SCAMP1: variants seen among roughly 807,000 people sequenced by gnomAD.
SCAMP1 encodes secretory carrier membrane protein 1, also known as secretory carrier-associated membrane protein 1.
SCAMP1 carries 15 observed loss-of-function variants against 41.8 expected under a neutral mutation model. That is an observed-to-expected ratio of 0.36 (90% CI 0.24 to 0.55). The LOEUF (loss-of-function observed/expected upper bound fraction) is 0.55, where lower values mean the gene tolerates loss of function less well. Ranked by LOEUF, SCAMP1 falls within the 20% of genes least tolerant of loss-of-function variation. The pLI, the probability that SCAMP1 is intolerant of heterozygous loss-of-function variation, is 0.86. For missense variants in SCAMP1, 341 were observed against 412.6 expected (o/e 0.83, Z 1.50); for synonymous variants, 135 against 136.8 (o/e 0.99, Z 0.09).
intron 8 of SCAMP1, among the ~76,000 whole-genome samples, chr5:78,468,258 A>T (rs535185478): frequency 6.6e-6 from 1 of 152,312 alleles, no homozygotes; most frequent in East Asian, 1.9e-4. Flanking sequence ...ATCTGCATGG[A>T]GAAGGGTCTA....
chr5:78,440,177 A>G (rs1229735167), intron 6 of SCAMP1, among the ~76,000 whole-genome samples: 1 of 152,074 alleles, frequency 6.6e-6, no homozygotes, highest in African/African-American at 2.4e-5. Context: ...GAAGTTTGTT[A>G]TTACGGATCG....
chr5:78,472,203 AT>A (rs1022330599), intron 8 of SCAMP1, among the ~76,000 whole-genome samples: 1 of 152,040 alleles, frequency 6.6e-6, no homozygotes. Context: ...CAACTGGTGC[AT>A]TTTTTTAAAG....
At chr5:78,407,129 A>G (rs1751954593) in intron 2 of SCAMP1, among the ~76,000 whole-genome samples, 1 of 152,198 alleles carries the variant, frequency 6.6e-6, no homozygotes, top group Non-Finnish European at 1.5e-5. Flanking sequence ...TGAAGATGAT[A>G]TACTATGGAG....
intron 5 of SCAMP1, 79 bp downstream of exon 5, chr5:78,418,982 G>A: frequency 8.2e-7 from 1 of 1,212,720 alleles, no homozygotes; most frequent in Non-Finnish European, 1.1e-6. Flanking sequence ...TTCAAGGATA[G>A]TATAGCAAAC....
intron 1 of SCAMP1, among the ~76,000 whole-genome samples, chr5:78,373,932 T>A (rs1751005456): frequency 6.6e-6 from 1 of 152,102 alleles, no homozygotes; most frequent in African/African-American, 2.4e-5. Context: ...GTTTAATAGG[T>A]CTTTATGGTT....
chr5:78,457,507 G>A (rs951273610), intron 7 of SCAMP1, among the ~76,000 whole-genome samples: 3 of 152,110 alleles, frequency 2.0e-5, no homozygotes, highest in Non-Finnish European at 2.9e-5. Context: ...GGGGGTCAGG[G>A]GTCAGGGACC....
At chr5:78,377,625 A>G (rs974295404) in intron 1 of SCAMP1, among the ~76,000 whole-genome samples, 2 of 152,190 alleles carry the variant, frequency 1.3e-5, no homozygotes, top group African/African-American at 2.4e-5. Flanking sequence ...TCCTTAGAAC[A>G]TATTTTAAGG....
intron 1 of SCAMP1, among the ~76,000 whole-genome samples, chr5:78,376,628 A>G (rs1751071544): frequency 6.6e-6 from 1 of 152,194 alleles, no homozygotes; most frequent in African/African-American, 2.4e-5. Context: ...AAAGGCCTCA[A>G]ATATATCTAC....
chr5:78,440,547 G>T (rs1018843181), intron 6 of SCAMP1, among the ~76,000 whole-genome samples: 1 of 152,310 alleles, frequency 6.6e-6, no homozygotes, highest in South Asian at 2.1e-4. Context: ...GGCTAATGTT[G>T]CTGCCTGATC....
At chr5:78,373,534 A>G (rs541602711) in intron 1 of SCAMP1, among the ~76,000 whole-genome samples, 12 of 152,268 alleles carry the variant, frequency 7.9e-5, no homozygotes, top group Admixed American at 6.5e-4. Flanking sequence ...AGGATTTACT[A>G]TCCATGTAAG....
At position 78,475,756 on chromosome 5, in the gene SCAMP1, A is replaced by G. The variant is rs1753989304; in HGVS notation, c.*88A>G. 1.0e-6 allele frequency: 1 copy of G among 992,562 alleles called. No homozygotes were observed. The highest frequency in any genetic ancestry group is 1.4e-6 in the Non-Finnish European group (1 of 733,650). The allele number at this position is 992,562 out of a possible 1,614,324, so 61.5% of individuals were successfully genotyped here. ...ACAAATATTTTTATGTTCAAAACAC[A>G]CAGTACAGACAGCATGGATATTTCC... On this transcript the variant is annotated 3_prime_UTR_variant, in exon 9 of 9. Transcript: ENST00000621999.
At chr5:78,434,683 C>T (rs943842276) in intron 6 of SCAMP1, among the ~76,000 whole-genome samples, 1 of 151,748 alleles carries the variant, frequency 6.6e-6, no homozygotes, top group African/African-American at 2.4e-5. Context: ...AAAGGTAAAC[C>T]TGTTTGTGAA....
intron 2 of SCAMP1, among the ~76,000 whole-genome samples, chr5:78,395,947 A>T (rs1459515248): frequency 6.6e-6 from 1 of 152,250 alleles, no homozygotes; most frequent in African/African-American, 2.4e-5. Context: ...ATTATTAAAA[A>T]GATGTGAACA....
At chr5:78,393,865 T>A (rs138778286) in intron 2 of SCAMP1, among the ~76,000 whole-genome samples, 2 of 152,272 alleles carry the variant, frequency 1.3e-5, no homozygotes, top group East Asian at 1.9e-4. Flanking sequence ...TCACTAGTTT[T>A]GGCCACTGGT....
intron 6 of SCAMP1, among the ~76,000 whole-genome samples, chr5:78,433,435 A>G (rs940245399): frequency 2.6e-5 from 4 of 152,148 alleles, no homozygotes; most frequent in Non-Finnish European, 4.4e-5. Flanking sequence ...CCCACTGGAC[A>G]TGGCTTTTCT....
chr5:78,391,255 G>A (rs138728124), intron 2 of SCAMP1, among the ~76,000 whole-genome samples: 19 of 149,508 alleles, frequency 1.3e-4, no homozygotes, highest in African/African-American at 3.9e-4. Flanking sequence ...CTCACCTCCC[G>A]GACGGGGCAG....
chr5:78,449,142 T>C (rs1015626784), intron 6 of SCAMP1, among the ~76,000 whole-genome samples: 1 of 152,012 alleles, frequency 6.6e-6, no homozygotes, highest in Admixed American at 6.6e-5. Context: ...AAAAAGGAAA[T>C]ATATGTTCAT....
intron 5 of SCAMP1, among the ~76,000 whole-genome samples, chr5:78,419,917 A>G (rs2112144719): frequency 6.6e-6 from 1 of 152,298 alleles, no homozygotes; most frequent in South Asian, 2.1e-4. Flanking sequence ...CTGAATCCTC[A>G]GTGTCAGTAG....
chr5:78,386,448 A>G (rs778954400), intron 1 of SCAMP1, among the ~76,000 whole-genome samples: 2 of 151,948 alleles, frequency 1.3e-5, no homozygotes, highest in African/African-American at 2.4e-5. Context: ...GCCATTTACA[A>G]TCAACGTTAT....
Sources: allele counts gnomAD v4.1 joint callset (sites outside exome capture counted in the v4.1 genomes callset), GRCh38; gene constraint gnomAD v4.1.1; transcripts MANE v1.5; gene names NCBI Gene and HGNC (gene_info 2026-07-23, HGNC 2026-07-21).